Variants in SPRED2 observed in about 807,000 individuals in gnomAD.
SPRED2 encodes the protein sprouty related EVH1 domain containing 2.
Under a neutral mutation model 43.0 loss-of-function variants are expected in SPRED2, and 47 were observed. The observed-to-expected ratio is 1.09, with a 90% CI of 0.87 to 1.40. The LOEUF is 1.40. Among genes scored for constraint, SPRED2 ranks in the 40% most tolerant of loss-of-function variants. SPRED2 has a pLI of 0.00. For synonymous variants in SPRED2, 225 were observed against 225.7 expected (o/e 1.00, Z 0.03); for missense variants, 561 against 586.4 (o/e 0.96, Z 0.45).
At chr2:65,388,608 A>G (rs1675559708) in intron 1 of SPRED2, among the ~76,000 whole-genome samples, 1 of 152,088 alleles carries the variant, frequency 6.6e-6, no homozygotes, top group Non-Finnish European at 1.5e-5. Context: ...GCTGTTATCA[A>G]TTAGGCAGGA....
Position 65,314,041 on chromosome 2 carries a change from C to T in SPRED2, c.717G>A (p.Lys239=). The change falls in exon 6 of 6, where the codon AAG becomes AAA. Residue 239 remains lysine (K), a synonymous_variant. Transcript: ENST00000356388. ...EDYRHAPVRG[K]YPDPSEDADS... ...CCGCGTCCTCCGAGGGGTCCGGGTACTTGCCCCTGACGGGTGCGTGCCGGT... is the reference window on the plus strand; with the variant it reads ...CCGCGTCCTCCGAGGGGTCCGGGTATTTGCCCCTGACGGGTGCGTGCCGGT... 1.2e-6 allele frequency: 2 copies of T among 1,614,150 alleles called. No individual in the cohort carries two copies. The highest frequency in any genetic ancestry group is 1.7e-6 in the Non-Finnish European group (2 of 1,180,032).
At position 65,313,373 on chromosome 2, in the gene SPRED2, CAGGGAGCTGGG is replaced by C. The variant is rs1378938953; in HGVS notation, c.*117_*127del. ...TGGCTGGAATGGTGCCTCGAGGTAC[CAGGGAGCTGGG>C]AGGCCGCTTGCCCTCCTCGCTCCTT... On this transcript the variant is annotated 3_prime_UTR_variant, in exon 6 of 6. Coordinates refer to ENST00000356388, the MANE Select transcript of SPRED2 (RefSeq NM_181784.3). 1.3e-6 allele frequency: 2 copies of C among 1,497,540 alleles called. No homozygotes were observed. The highest frequency in any genetic ancestry group is 1.8e-6 in the Non-Finnish European group (2 of 1,132,350). 92.8% of individuals were successfully genotyped at this position (1,497,540 alleles called of 1,614,324 possible). A position where few individuals can be genotyped will look rare whatever the true frequency, so the allele number is the denominator to read the frequency against.
Position 65,311,171 on chromosome 2 carries a change from G to C in SPRED2, c.*2330C>G, listed in dbSNP as rs1444575463. The stretch of plus-strand genomic sequence containing the variant: ...TACCACAGATACAAAAATAAAATCT[G>C]AATAATTTCTCTCAAATGATTGACG... On this transcript the variant is annotated 3_prime_UTR_variant, in exon 6 of 6. Transcript: ENST00000356388. 2.0e-6 allele frequency: 2 copies of C among 985,640 alleles called. No individual in the cohort carries two copies. Among genetic ancestry groups the C allele is most frequent in the Non-Finnish European group, 2.4e-6 (2 of 829,890 alleles). The allele number at this position is 985,640 out of a possible 1,614,324, so 61.1% of individuals were successfully genotyped here. A position where few individuals can be genotyped will look rare whatever the true frequency, so the allele number is the denominator to read the frequency against.
intron 1 of SPRED2, among the ~76,000 whole-genome samples, chr2:65,388,911 A>G (rs1675568289): frequency 1.3e-5 from 2 of 152,196 alleles, no homozygotes; most frequent in South Asian, 4.1e-4. Flanking sequence ...TCTCCCAGGC[A>G]GCCACACAAG....
intron 4 of SPRED2, among the ~76,000 whole-genome samples, chr2:65,330,780 C>T (rs867098726): frequency 3.9e-5 from 6 of 152,268 alleles, no homozygotes; most frequent in African/African-American, 1.4e-4. Context: ...GGGACACATG[C>T]TAAAGTACGA....
At chr2:65,322,956 G>A (rs1312578478) in intron 4 of SPRED2, among the ~76,000 whole-genome samples, 2 of 152,004 alleles carry the variant, frequency 1.3e-5, no homozygotes, top group East Asian at 1.9e-4. Flanking sequence ...ACATTCTACC[G>A]GTCTTTCACT....
intron 1 of SPRED2, among the ~76,000 whole-genome samples, chr2:65,394,066 A>G (rs1675699419): frequency 6.6e-6 from 1 of 152,160 alleles, no homozygotes; most frequent in Non-Finnish European, 1.5e-5. Flanking sequence ...TAACATTTCA[A>G]TGAATAGCAG....
chr2:65,309,909 T>G (rs1327078103), downstream of SPRED2, among the ~76,000 whole-genome samples: 2 of 152,112 alleles, frequency 1.3e-5, no homozygotes, highest in African/African-American at 4.8e-5. Flanking sequence ...TGAGGCCTGG[T>G]AAGGACCTGG....
chr2:65,349,283 C>A (rs1420550789), intron 1 of SPRED2, among the ~76,000 whole-genome samples: 3 of 130,748 alleles, frequency 2.3e-5, no homozygotes, highest in Non-Finnish European at 4.6e-5. Flanking sequence ...AGAGATCAGC[C>A]TGGCGACACA....
chr2:65,334,574 C>A (rs770970778), intron 3 of SPRED2, 31 bp downstream of exon 3: 11 of 1,606,356 alleles, frequency 6.8e-6, no homozygotes, highest in South Asian at 1.1e-5. Flanking sequence ...TTTCCATAGT[C>A]CCACTAAGAA....
At position 65,418,536 on chromosome 2, in the gene SPRED2, T is replaced by A. The variant is rs1346337553; in HGVS notation, c.26+13426A>T. Among the ~76,000 whole-genome samples, 9 of 151,880 alleles carry A rather than the reference T, an allele frequency of 5.9e-5. No homozygotes were observed. In the South Asian group the frequency reaches 6.2e-4, roughly 11 times the overall value. ...GGTGCAGTGATAAATATTTCTTTCT[T>A]TCTTTCCTTTTTCTTTCTTTCTTTT... On this transcript the variant is annotated intron_variant, in intron 1 of 5. Coordinates refer to ENST00000356388, the MANE Select transcript of SPRED2 (RefSeq NM_181784.3).
At chr2:65,381,967 T>C (rs576499492) in intron 1 of SPRED2, among the ~76,000 whole-genome samples, 10 of 152,158 alleles carry the variant, frequency 6.6e-5, no homozygotes, top group African/African-American at 1.9e-4. Flanking sequence ...AAAGCAGGAG[T>C]TTCCTTGGTT....
intron 1 of SPRED2, among the ~76,000 whole-genome samples, chr2:65,399,672 C>T (rs2661795): frequency 0.44 from 66,511 of 151,910 alleles, 14,869 homozygotes; most frequent in African/African-American, 0.49. Flanking sequence ...TGAGCCACTG[C>T]GCCTGGCCTT....
intron 1 of SPRED2, among the ~76,000 whole-genome samples, chr2:65,375,012 G>C (rs1024149959): frequency 1.3e-5 from 2 of 152,170 alleles, no homozygotes; most frequent in Non-Finnish European, 2.9e-5. Flanking sequence ...TGTTTTACAG[G>C]GGTGTCTCAT....
rs1236278226 is a variant in SPRED2 at position 65,360,070 on chromosome 2, AAAAAAAAAC to A, written c.27-15183_27-15175del. Among the ~76,000 whole-genome samples the A allele has an allele frequency of 2.8e-3, 268 of 94,922 alleles. 1 individual carries two copies. The highest frequency in any genetic ancestry group is 8.3e-3 in the East Asian group (20 of 2,406). 62.3% of individuals were successfully genotyped at this position (94,922 alleles called of 152,430 possible). A position where few individuals can be genotyped will look rare whatever the true frequency, so the allele number is the denominator to read the frequency against. ...ACAGAGCGAGACTCCATCTCAAAAA[AAAAAAAAAC>A]AAAAAAAAACAAAAAAAAAACAAAA... On this transcript the variant is annotated intron_variant, in intron 1 of 5. Coordinates refer to ENST00000356388, the MANE Select transcript of SPRED2 (RefSeq NM_181784.3).
rs200353741 is a variant in SPRED2 at position 65,317,513 on chromosome 2, A to AAAC, written c.439-633_439-631dup. On this transcript the variant is annotated intron_variant, in intron 4 of 5. Transcript: ENST00000356388. ...GGGTGACAGAGCAAGACTCCATCTC[A>AAAC]AACAACAACAACAACAACAACAACA... 3.2e-3 allele frequency among the ~76,000 whole-genome samples: 471 copies of AAAC among 147,362 alleles called. 3 individuals carry two copies. The highest frequency in any genetic ancestry group is 0.01 in the African/African-American group (411 of 39,490).
At chr2:65,371,665 G>C (rs527966406) in intron 1 of SPRED2, among the ~76,000 whole-genome samples, 11 of 152,208 alleles carry the variant, frequency 7.2e-5, no homozygotes, top group Non-Finnish European at 1.2e-4. Context: ...GTAAAATAAA[G>C]CTCTCTCCAA....
chr2:65,391,286 C>A (rs1675631007), intron 1 of SPRED2, among the ~76,000 whole-genome samples: 8 of 151,608 alleles, frequency 5.3e-5, no homozygotes, highest in Admixed American at 5.3e-4. Context: ...CAGTACCAGG[C>A]CAACGGGAAC....
intron 4 of SPRED2, among the ~76,000 whole-genome samples, chr2:65,321,098 G>A (rs1171707505): frequency 6.6e-6 from 1 of 152,184 alleles, no homozygotes; most frequent in Non-Finnish European, 1.5e-5. Context: ...TTAGGGCTTT[G>A]AAGAACAAAA....
Sources: gnomAD v4.1 joint callset for allele counts (sites outside exome capture counted in the v4.1 genomes callset) on GRCh38, gnomAD v4.1.1 for gene constraint, MANE v1.5 for transcripts, NCBI Gene and HGNC (gene_info 2026-07-23, HGNC 2026-07-21) for gene names.